The following GPR176 variants were observed in gnomAD, a reference collection of about 807,000 sequenced individuals.
GPR176 encodes G protein-coupled receptor 176, also known as G-protein coupled receptor 176.
A neutral mutation model predicts 35.4 loss-of-function variants in GPR176; 26 were observed. That is an observed-to-expected ratio of 0.74 (90% CI 0.54 to 1.02). The LOEUF (loss-of-function observed/expected upper bound fraction) is 1.02. Ranked by LOEUF, GPR176 falls within the 50% of genes least tolerant of loss-of-function variation. GPR176 has a pLI of 0.00. For missense variants in GPR176, 597 were observed against 665.3 expected, an observed-to-expected ratio of 0.90 and a Z score of 1.13; for synonymous variants, 278 against 271.3, an observed-to-expected ratio of 1.02 and a Z score of -0.24.
intron 1 of GPR176, among the ~76,000 whole-genome samples, chr15:39,817,915 A>C (rs1212459004): frequency 2.6e-5 from 4 of 152,232 alleles, no homozygotes. Context: ...TAGCTCTAAA[A>C]AGGATTCTAT....
At chr15:39,866,019 G>C (rs1412117030) in intron 1 of GPR176, among the ~76,000 whole-genome samples, 1 of 151,928 alleles carries the variant, frequency 6.6e-6, no homozygotes, top group Non-Finnish European at 1.5e-5. Context: ...ATCATAAAAA[G>C]GGATGAGCAA....
intron 1 of GPR176, among the ~76,000 whole-genome samples, chr15:39,860,484 G>A (rs1330895160): frequency 6.6e-6 from 1 of 152,208 alleles, no homozygotes; most frequent in Non-Finnish European, 1.5e-5. Flanking sequence ...CAGTGTCAAT[G>A]GCAAATATTC....
intron 1 of GPR176, among the ~76,000 whole-genome samples, chr15:39,905,884 G>C (rs2033407323): frequency 1.3e-5 from 2 of 152,116 alleles, no homozygotes. Context: ...AATTTCGAGG[G>C]CAATGTCCTG....
At position 39,897,543 on chromosome 15, in the gene GPR176, T is replaced by C. The variant is rs2033149690; in HGVS notation, c.172+22312A>G. Among the ~76,000 whole-genome samples the C allele has an allele frequency of 2.0e-5, 3 of 151,570 alleles. No homozygotes were observed. In the South Asian group the frequency reaches 6.3e-4, roughly 32 times the overall value. ...CTATCTGCAAGTGCCATTGCAACAATGCAGCTGATAGCAAATTGCACTCAT... is the reference window on the plus strand; with the variant it reads ...CTATCTGCAAGTGCCATTGCAACAACGCAGCTGATAGCAAATTGCACTCAT... On this transcript the variant is annotated intron_variant, in intron 1 of 2. Transcript: ENST00000561100.
chr15:39,809,591 T>C (rs1342275508), intron 1 of GPR176, among the ~76,000 whole-genome samples: 1 of 152,218 alleles, frequency 6.6e-6, no homozygotes, highest in Non-Finnish European at 1.5e-5. Context: ...CTAAGTCACC[T>C]AATCTACCCT....
At position 39,871,116 on chromosome 15, in the gene GPR176, C is replaced by T. The variant is rs138175279; in HGVS notation, c.172+48739G>A. ...TGCCAAGCATAATAGAAAACTAATA[C>T]AGTTGGCAAGCACAGAATTTAAAAA... On this transcript the variant is annotated intron_variant, in intron 1 of 2. Transcript: ENST00000561100. 4.5e-4 allele frequency among the ~76,000 whole-genome samples: 69 copies of T among 152,264 alleles called. No homozygotes were observed. The East Asian group carries it at 7.5e-3, about 17-fold the overall frequency.
intron 2 of GPR176, among the ~76,000 whole-genome samples, chr15:39,805,464 T>A (rs1899130050): frequency 6.6e-6 from 1 of 152,206 alleles, no homozygotes; most frequent in African/African-American, 2.4e-5. Flanking sequence ...TAAATTTTTT[T>A]ATTCCTCTTC....
At chr15:39,837,332 G>A (rs1901464799) in intron 1 of GPR176, among the ~76,000 whole-genome samples, 1 of 152,142 alleles carries the variant, frequency 6.6e-6, no homozygotes, top group Non-Finnish European at 1.5e-5. Flanking sequence ...CATGATTGCA[G>A]GTTGGGTTCT....
chr15:39,909,287 T>C (rs2033513150), intron 1 of GPR176, among the ~76,000 whole-genome samples: 1 of 152,116 alleles, frequency 6.6e-6, no homozygotes, highest in South Asian at 2.1e-4. Flanking sequence ...TGTCCTAGGG[T>C]TATGTGACTA....
At chr15:39,886,917 C>G (rs2032696103) in intron 1 of GPR176, among the ~76,000 whole-genome samples, 1 of 152,090 alleles carries the variant, frequency 6.6e-6, no homozygotes, top group African/African-American at 2.4e-5. Context: ...CCAACCTTTC[C>G]CAGGCTTAAC....
Position 39,864,882 on chromosome 15 carries a change from T to C in GPR176, c.172+54973A>G, listed in dbSNP as rs117843873. ...CCCATTAAAAAGTGACCAAAAAGCA[T>C]GAATAGACATTTTTCAAAAGAAGAC... On this transcript the variant is annotated intron_variant, in intron 1 of 2. Coordinates refer to ENST00000561100, the MANE Select transcript of GPR176 (RefSeq NM_007223.3). 7.4e-4 allele frequency among the ~76,000 whole-genome samples: 108 copies of C among 146,606 alleles called. No individual in the cohort carries two copies. In the East Asian group the frequency reaches 0.021, roughly 28 times the overall value.
At chr15:39,898,340 C>T (rs1469313562) in intron 1 of GPR176, among the ~76,000 whole-genome samples, 3 of 151,942 alleles carry the variant, frequency 2.0e-5, no homozygotes, top group Non-Finnish European at 2.9e-5. Context: ...AAGATAATAC[C>T]GCCTTAAAAT....
chr15:39,900,777 G>A (rs2033253949), intron 1 of GPR176, among the ~76,000 whole-genome samples: 1 of 152,204 alleles, frequency 6.6e-6, no homozygotes, highest in Admixed American at 6.5e-5. Context: ...CAGATGATGA[G>A]TTCCCTGACA....
At position 39,872,369 on chromosome 15, in the gene GPR176, A is replaced by G. The variant is rs559769144; in HGVS notation, c.172+47486T>C. Among the ~76,000 whole-genome samples the G allele has an allele frequency of 2.9e-4, 44 of 152,268 alleles. 1 individual carries two copies. The highest frequency in any genetic ancestry group is 3.4e-3 in the Middle Eastern group (1 of 294). Reference sequence around the variant, plus strand: ...TACAGAGAAGATGGGGAGTATGAGAAGGAGGAGTACAGGCTGACAACTGGA... The same window carrying G: ...TACAGAGAAGATGGGGAGTATGAGAGGGAGGAGTACAGGCTGACAACTGGA... On this transcript the variant is annotated intron_variant, in intron 1 of 2. Transcript: ENST00000561100.
intron 1 of GPR176, among the ~76,000 whole-genome samples, chr15:39,851,229 C>A (rs1211719765): frequency 6.6e-6 from 1 of 152,162 alleles, no homozygotes; most frequent in Non-Finnish European, 1.5e-5. Flanking sequence ...GGATGTAACT[C>A]ATTGCCCCTA....
chr15:39,836,686 G>A (rs1370939859), intron 1 of GPR176, among the ~76,000 whole-genome samples: 1 of 152,056 alleles, frequency 6.6e-6, no homozygotes, highest in African/African-American at 2.4e-5. Context: ...GACTTCTAGG[G>A]GGACAGGGCT....
chr15:39,895,444 G>A (rs1453274721), intron 1 of GPR176, among the ~76,000 whole-genome samples: 4 of 152,046 alleles, frequency 2.6e-5, no homozygotes, highest in African/African-American at 9.7e-5. Context: ...TGAACAGTTG[G>A]GCCAAGCTTT....
At chr15:39,844,704 G>A (rs1168692076) in intron 1 of GPR176, among the ~76,000 whole-genome samples, 1 of 152,010 alleles carries the variant, frequency 6.6e-6, no homozygotes, top group Non-Finnish European at 1.5e-5. Context: ...CAGAGCACAC[G>A]TTCTAACAAG....
At chr15:39,837,167 G>A (rs1190363515) in intron 1 of GPR176, among the ~76,000 whole-genome samples, 2 of 152,138 alleles carry the variant, frequency 1.3e-5, no homozygotes, top group Non-Finnish European at 2.9e-5. Flanking sequence ...ATTTTCGCCA[G>A]TCATCTTTTA....
Sources: gnomAD v4.1 joint callset for allele counts (sites outside exome capture counted in the v4.1 genomes callset) on GRCh38, gnomAD v4.1.1 for gene constraint, MANE v1.5 for transcripts, NCBI Gene and HGNC (gene_info 2026-07-23, HGNC 2026-07-21) for gene names.